VTN: variants seen among roughly 807,000 people sequenced by gnomAD.
The protein encoded by VTN is vitronectin.
A neutral mutation model predicts 55.9 loss-of-function variants in VTN; 45 were observed. The observed-to-expected ratio is 0.80, with a 90% CI of 0.63 to 1.03. The LOEUF is 1.03. VTN is among the 50% of genes least tolerant of loss of function. The pLI, the probability that VTN is intolerant of heterozygous loss-of-function variation, is 0.00. For missense variants in VTN, 589 were observed against 638.2 expected (o/e 0.92, Z 0.83); for synonymous variants, 238 against 242.3 (o/e 0.98, Z 0.17).
chr17:28,367,543 G>A, intron 7 of VTN, 62 bp from the exon 8 acceptor site: 1 of 1,498,030 alleles, frequency 6.7e-7, no homozygotes, highest in Non-Finnish European at 9.2e-7. Flanking sequence ...CTCTTCCCTT[G>A]AGAAGTCTAG....
intron 6 of VTN, 85 bp from the exon 7 acceptor site, chr17:28,368,144 A>G: frequency 8.1e-7 from 1 of 1,238,806 alleles, no homozygotes; most frequent in Non-Finnish European, 1.1e-6. Flanking sequence ...CATCTGCTGC[A>G]CCTTGCCCAA....
intron 7 of VTN, 57 bp downstream of exon 7, chr17:28,367,658 A>G: frequency 1.3e-6 from 2 of 1,556,526 alleles, no homozygotes; most frequent in African/African-American, 1.4e-5. Flanking sequence ...CTTGTGCACC[A>G]GGGACAGCAA....
At chr17:28,367,630 T>TG in intron 7 of VTN, 85 bp downstream of exon 7, 1 of 1,476,644 alleles carries the variant, frequency 6.8e-7, no homozygotes, top group Non-Finnish European at 9.4e-7. Flanking sequence ...GGTCACTACT[T>TG]GCAGGCTGCG....
rs782244217 is a variant in VTN at position 28,367,928 on chromosome 17, A to G, written c.1111T>C (p.Phe371Leu). 6.2e-7 allele frequency: 1 copy of G among 1,609,074 alleles called. No homozygotes were observed. Among genetic ancestry groups the G allele is most frequent in the South Asian group, 1.1e-5 (1 of 90,480 alleles). Reference sequence around the variant, plus strand: ...TAGCCTTTGCGGTTGCGATGCCTAAACCTTTGTTTCTTGGCCAAGGAGGGG... The same window carrying G: ...TAGCCTTTGCGGTTGCGATGCCTAAGCCTTTGTTTCTTGGCCAAGGAGGGG... Reference protein sequence around the residue: ...PRPSLAKKQRFRHRNRKGYRS... With the variant: ...PRPSLAKKQRLRHRNRKGYRS... The change falls in exon 7 of 8, where the codon TTT becomes CTT. Residue 371 changes from phenylalanine to leucine, a missense_variant. Phe to Leu is a conservative substitution (Grantham distance 22, BLOSUM62 0). Around this residue, in one of 3 missense-constraint regions of VTN, gnomAD observed 334 missense variants for 328.2 expected, o/e 1.02. Coordinates refer to ENST00000226218, the MANE Select transcript of VTN (RefSeq NM_000638.4).
chr17:28,368,114 C>T (rs575720398), intron 6 of VTN, 55 bp from the exon 7 acceptor site: 2 of 1,437,324 alleles, frequency 1.4e-6, no homozygotes, highest in Non-Finnish European at 1.9e-6. Flanking sequence ...CTTGCCCCTT[C>T]CAGCGGGGCC....
Position 28,367,882 on chromosome 17 carries a change from C to G in VTN, c.1157G>C (p.Ser386Thr). 1.2e-6 allele frequency: 2 copies of G among 1,613,790 alleles called. No homozygotes were observed. Among genetic ancestry groups the G allele is most frequent in the Non-Finnish European group, 1.7e-6 (2 of 1,179,852 alleles). Reference sequence around the variant, plus strand: ...GCGGGAGTTCTGGTTGCGGCCACGGCTGTGGCCTCGTTGTGAACGGTAGCC... The same window carrying G: ...GCGGGAGTTCTGGTTGCGGCCACGGGTGTGGCCTCGTTGTGAACGGTAGCC... ...RKGYRSQRGH[S>T]RGRNQNSRRP... Residue 386 changes from serine to threonine, a missense_variant, in exon 7 of 8, where the codon AGC becomes ACC. Physicochemically the swap from Ser to Thr is moderately conservative, Grantham distance 58 (BLOSUM62 1). Coordinates refer to ENST00000226218, the MANE Select transcript of VTN (RefSeq NM_000638.4).
Position 28,368,064 on chromosome 17 carries a change from G to T in VTN, c.980-5C>A. 6.4e-7 allele frequency: 1 copy of T among 1,566,736 alleles called. No individual in the cohort carries two copies. The highest frequency in any genetic ancestry group is 1.2e-5 in the South Asian group (1 of 85,490). On this transcript the variant is annotated splice_polypyrimidine_tract_variant and splice_region_variant and intron_variant, in intron 6 of 7. Coordinates refer to ENST00000226218, the MANE Select transcript of VTN (RefSeq NM_000638.4). ...ACTGGGGCTGTCTGGTACCAGCTGT[G>T]GCAGGGAAGGGGTGAATGAGAGGTC...
chr17:28,370,112 C>T (rs1218075068), intron 1 of VTN, 28 bp downstream of exon 1: 2 of 1,613,588 alleles, frequency 1.2e-6, no homozygotes, highest in Admixed American at 3.3e-5. Context: ...CTACATTGAC[C>T]CAGATGGCCA....
Position 28,367,973 on chromosome 17 carries a change from T to G in VTN, c.1066A>C (p.Ile356Leu). ...VDAAMAGRIY[I>L]SGMAPRPSLA... The stretch of plus-strand genomic sequence containing the variant: ...GAGGGGCGGGGTGCCATGCCTGAGA[T>G]GTAGATGCGGCCAGCCATGGCTGCG... The change falls in exon 7 of 8, where the codon ATC (isoleucine) becomes CTC (leucine). Residue 356 changes from isoleucine (I) to leucine (L), a missense_variant. Around this residue, in one of 3 missense-constraint regions of VTN, gnomAD observed 334 missense variants for 328.2 expected, o/e 1.02. Transcript: ENST00000226218. 1 of 1,597,600 alleles carries G rather than the reference T, an allele frequency of 6.3e-7. No individual in the cohort carries two copies. The highest frequency in any genetic ancestry group is 8.5e-7 in the Non-Finnish European group (1 of 1,172,226).
intron 6 of VTN, 66 bp downstream of exon 6, chr17:28,368,455 G>T: frequency 1.3e-6 from 2 of 1,589,554 alleles, no homozygotes; most frequent in Non-Finnish European, 1.7e-6. Flanking sequence ...AGCCGGCCTG[G>T]CTCTACCAAT....
chr17:28,369,975 A>G lies in VTN; in HGVS notation c.136T>C (p.Tyr46His), dbSNP rs1555583752. 6.2e-7 allele frequency: 1 copy of G among 1,614,066 alleles called. No homozygotes were observed. Among genetic ancestry groups the G allele is most frequent in the Non-Finnish European group, 8.5e-7 (1 of 1,180,014 alleles). The change falls in exon 2 of 8, where the codon TAC (tyrosine) becomes CAC (histidine). Residue 46 changes from tyrosine to histidine, a missense_variant. By Grantham distance (83) the Tyr-to-His change is moderately conservative. Coordinates refer to ENST00000226218, the MANE Select transcript of VTN (RefSeq NM_000638.4). This position sits in a 1 kb window ranked among gnomAD's most constrained non-coding sequence, Gnocchi z 5.3. Reference sequence around the variant, plus strand: ...TAGTCTGTGCAGCAGCTCTGGTAGTAAGAGCAGAGCTCGTCACACTGGCAC... The same window carrying G: ...TAGTCTGTGCAGCAGCTCTGGTAGTGAGAGCAGAGCTCGTCACACTGGCAC... ...KKCQCDELCS[Y>H]YQSCCTDYTA...
rs200955799 is a variant in VTN at position 28,369,646 on chromosome 17, A to T, written c.390T>A (p.Ser130=). 1.1e-5 allele frequency: 18 copies of T among 1,613,666 alleles called. No individual in the cohort carries two copies. In the East Asian group the frequency reaches 4.0e-4, roughly 36 times the overall value. The change falls in exon 3 of 8, where the codon TCT becomes TCA. Residue 130 remains serine (S), a synonymous_variant. Coordinates refer to ENST00000226218, the MANE Select transcript of VTN (RefSeq NM_000638.4). The surrounding 1 kb of genome is among the most constrained non-coding windows in gnomAD (Gnocchi z 5.3). ...EEAPAPEVGA[S]KPEGIDSRPE... ...GCCTTGAGTCTATCCCCTCAGGCTTAGAGGCGCCCACCTCAGGCGCAGGGG... is the reference window on the plus strand; with the variant it reads ...GCCTTGAGTCTATCCCCTCAGGCTTTGAGGCGCCCACCTCAGGCGCAGGGG...
chr17:28,367,452 G>A lies in VTN; in HGVS notation c.1354C>T (p.Arg452Trp), dbSNP rs560780885. The change falls in exon 8 of 8, where the codon CGG (arginine) becomes TGG (tryptophan). Residue 452 changes from arginine (R) to tryptophan (W), a missense_variant. Arg to Trp is a moderately radical substitution (Grantham distance 101, BLOSUM62 -3). This residue lies in a region of VTN where 334 missense variants were observed against 328.2 expected (regional missense o/e 1.02). Transcript: ENST00000226218. ...GGAGGGTCCACAGTGTCCACTCGCC[G>A]TGTGCGAAGATTGACTCGGTAGTAC... ...DKYYRVNLRT[R>W]RVDTVDPPYP... is the part of the protein sequence containing the mutation. 1.3e-4 allele frequency: 202 copies of A among 1,613,740 alleles called. No homozygotes were observed. The highest frequency in any genetic ancestry group is 1.2e-3 in the Middle Eastern group (7 of 6,060).
Position 28,369,269 on chromosome 17 carries a change from T to TG in VTN, c.669+19dup. ...AACCCTCCCTAGATGCTTTCTACCC[T>TG]GGCCCACAGCCCCTGGCACCTTGAA... On this transcript the variant is annotated intron_variant, in intron 4 of 7. Transcript: ENST00000226218. This position sits in a 1 kb window ranked among gnomAD's most constrained non-coding sequence, Gnocchi z 5.3. 6.4e-7 allele frequency: 1 copy of TG among 1,565,204 alleles called. No homozygotes were observed. Among genetic ancestry groups the TG allele is most frequent in the Non-Finnish European group, 8.7e-7 (1 of 1,151,586 alleles).
chr17:28,369,891 G>T lies in VTN; in HGVS notation c.184+36C>A. ...TGGTAGTGAGTCTCCAGCAGCAGGG[G>T]GCACCCCAGCCCACCCACCTGGGCT... On this transcript the variant is annotated intron_variant, in intron 2 of 7. Coordinates refer to ENST00000226218, the MANE Select transcript of VTN (RefSeq NM_000638.4). The surrounding 1 kb of genome is among the most constrained non-coding windows in gnomAD (Gnocchi z 5.3). 6.2e-7 allele frequency: 1 copy of T among 1,612,430 alleles called. No homozygotes were observed. The highest frequency in any genetic ancestry group is 8.5e-7 in the Non-Finnish European group (1 of 1,178,780).
chr17:28,369,685 T>G lies in VTN; in HGVS notation c.351A>C (p.Lys117Asn). 1.2e-6 allele frequency: 2 copies of G among 1,613,702 alleles called. No individual in the cohort carries two copies. The highest frequency in any genetic ancestry group is 1.7e-6 in the Non-Finnish European group (2 of 1,179,968). The change falls in exon 3 of 8, where the codon AAA (lysine) becomes AAC (asparagine). Residue 117 changes from lysine to asparagine, a missense_variant. Coordinates refer to ENST00000226218, the MANE Select transcript of VTN (RefSeq NM_000638.4). This position sits in a 1 kb window ranked among gnomAD's most constrained non-coding sequence, Gnocchi z 5.3. Reference sequence around the variant, plus strand: ...CAGGCGCAGGGGCCTCTTCCTCAGGTTTCAGAACAGGTGTCTGCTCAGGAT... The same window carrying G: ...CAGGCGCAGGGGCCTCTTCCTCAGGGTTCAGAACAGGTGTCTGCTCAGGAT... ...KGNPEQTPVL[K>N]PEEEAPAPEV... is the part of the protein sequence containing the mutation.
chr17:28,368,019 G>A lies in VTN; in HGVS notation c.1020C>T (p.His340=), dbSNP rs374231917. The change falls in exon 7 of 8, where the codon CAC becomes CAT. Residue 340 remains histidine, a synonymous_variant. Coordinates refer to ENST00000226218, the MANE Select transcript of VTN (RefSeq NM_000638.4). ...RQPQFISRDW[H]GVPGQVDAAM... is the part of the protein sequence containing the mutation. ...CTGCGTCCACTTGCCCTGGCACACC[G>A]TGCCAGTCCCGGCTAATGAACTGGG... 197 of 1,590,444 alleles carry A rather than the reference G, an allele frequency of 1.2e-4. No homozygotes were observed. Among genetic ancestry groups the A allele is most frequent in the African/African-American group, 2.4e-4 (18 of 74,554 alleles).
Position 28,369,885 on chromosome 17 carries a change from G to A in VTN, c.185-34C>T, listed in dbSNP as rs782379851. The A allele has an allele frequency of 6.2e-7, 1 of 1,612,362 alleles. No individual in the cohort carries two copies. Among genetic ancestry groups the A allele is most frequent in the Admixed American group, 1.7e-5 (1 of 59,996 alleles). On this transcript the variant is annotated intron_variant, in intron 2 of 7. Coordinates refer to ENST00000226218, the MANE Select transcript of VTN (RefSeq NM_000638.4). The surrounding 1 kb of genome is among the most constrained non-coding windows in gnomAD (Gnocchi z 5.3). ...AGTGGATGGTAGTGAGTCTCCAGCA[G>A]CAGGGGGCACCCCAGCCCACCCACC...
At position 28,369,542 on chromosome 17, in the gene VTN, G is replaced by T. The variant is rs1044296654; in HGVS notation, c.494C>A (p.Thr165Asn). The T allele has an allele frequency of 1.9e-6, 3 of 1,609,772 alleles. No homozygotes were observed. Among genetic ancestry groups the T allele is most frequent in the Admixed American group, 1.7e-5 (1 of 59,858 alleles). The change falls in exon 3 of 8, where the codon ACC becomes AAC. Residue 165 changes from threonine (T) to asparagine (N), a missense_variant. Thr to Asn is a moderately conservative substitution (Grantham distance 65). Coordinates refer to ENST00000226218, the MANE Select transcript of VTN (RefSeq NM_000638.4). The surrounding 1 kb of genome is among the most constrained non-coding windows in gnomAD (Gnocchi z 5.3). Reference protein sequence around the residue: ...LCSGKPFDAFTDLKNGSLFAF... With the variant: ...LCSGKPFDAFNDLKNGSLFAF... ...AAAGAGGGAACCGTTCTTGAGGTCG[G>T]TGAAGGCGTCGAAGGGCTTCCCACT... is the stretch of plus-strand genomic sequence containing the variant.
Sources: allele counts gnomAD v4.1 joint callset, GRCh38; gene constraint gnomAD v4.1.1; regional missense constraint gnomAD v4.1.1; non-coding constraint Gnocchi (gnomAD v3.1); transcripts MANE v1.5; gene names NCBI Gene and HGNC (gene_info 2026-07-23, HGNC 2026-07-21).